ABCC4: variants seen among roughly 807,000 people sequenced by gnomAD.
ABCC4 encodes ATP binding cassette subfamily C member 4 (PEL blood group).
Under a neutral mutation model 168.5 loss-of-function variants are expected in ABCC4, and 102 were observed. That is an observed-to-expected ratio of 0.61 (90% CI 0.52 to 0.71). The LOEUF (loss-of-function observed/expected upper bound fraction) is 0.71. Among genes scored for constraint, ABCC4 ranks in the 30% least tolerant of loss-of-function variants. The probability of loss-of-function intolerance (pLI) is 0.00; values close to 1 mark genes in which losing one functional copy is unlikely to be tolerated. For missense variants in ABCC4, 1,402 were observed against 1,605.8 expected, an observed-to-expected ratio of 0.87 and a Z score of 2.17; for synonymous variants, 617 against 590.7, an observed-to-expected ratio of 1.04 and a Z score of -0.65.
chr13:95,032,048 T>C (rs1350070065), intron 30 of ABCC4, among the ~76,000 whole-genome samples: 1 of 152,222 alleles, frequency 6.6e-6, no homozygotes, highest in Non-Finnish European at 1.5e-5. Context: ...TCGGGTTTTA[T>C]GAGGGAAGCT....
chr13:95,290,165 G>C (rs923963302), intron 1 of ABCC4, among the ~76,000 whole-genome samples: 2 of 151,672 alleles, frequency 1.3e-5, no homozygotes, highest in Non-Finnish European at 2.9e-5. Context: ...ATAGATAGAT[G>C]CGTGGATCCC....
At chr13:95,256,542 G>A (rs185725961) in intron 1 of ABCC4, among the ~76,000 whole-genome samples, 239 of 152,256 alleles carry the variant, frequency 1.6e-3, no homozygotes, top group African/African-American at 5.6e-3. Context: ...GATTGCTTGA[G>A]CCCAGTAGTT....
At chr13:95,223,964 C>T (rs917290290) in intron 4 of ABCC4, among the ~76,000 whole-genome samples, 2 of 151,550 alleles carry the variant, frequency 1.3e-5, no homozygotes, top group Non-Finnish European at 2.9e-5. Context: ...AAGACAATCT[C>T]AAATAGTTTA....
chr13:95,237,655 G>A (rs1248878099), intron 3 of ABCC4, among the ~76,000 whole-genome samples: 4 of 152,154 alleles, frequency 2.6e-5, no homozygotes, highest in South Asian at 4.1e-4. Context: ...CCTGACATTC[G>A]AGCCCCATCC....
At chr13:95,089,459 A>T (rs891414753) in intron 20 of ABCC4, among the ~76,000 whole-genome samples, 1 of 152,158 alleles carries the variant, frequency 6.6e-6, no homozygotes, top group African/African-American at 2.4e-5. Flanking sequence ...CTCTACTAAA[A>T]ATACAAAATT....
intron 4 of ABCC4, among the ~76,000 whole-genome samples, chr13:95,222,749 T>C (rs1177664005): frequency 6.6e-6 from 1 of 152,200 alleles, no homozygotes; most frequent in East Asian, 1.9e-4. Flanking sequence ...AGAGAGATCA[T>C]GTCTTAGAAT....
intron 1 of ABCC4, among the ~76,000 whole-genome samples, chr13:95,300,266 T>C (rs899064337): frequency 1.3e-5 from 2 of 152,142 alleles, no homozygotes; most frequent in Non-Finnish European, 1.5e-5. Flanking sequence ...GTAGAACTCC[T>C]GGTAGGAACC....
intron 19 of ABCC4, among the ~76,000 whole-genome samples, chr13:95,133,127 T>G (rs1036862722): frequency 1.0e-4 from 15 of 149,296 alleles, no homozygotes; most frequent in Non-Finnish European, 2.2e-4. Context: ...TTTTTTTTTT[T>G]TTTGGAGACA....
At chr13:95,070,428 G>T (rs2619311) in intron 25 of ABCC4, among the ~76,000 whole-genome samples, 94,376 of 151,764 alleles carry the variant, frequency 0.62, 29,675 homozygotes, top group South Asian at 0.79. Context: ...GGAAGGGGAA[G>T]AGATTCTACT....
intron 13 of ABCC4, among the ~76,000 whole-genome samples, chr13:95,176,342 T>C (rs1566493959): frequency 6.9e-6 from 1 of 143,908 alleles, no homozygotes; most frequent in Non-Finnish European, 1.5e-5. Flanking sequence ...AAAAAAACAC[T>C]GAATGAGCTG....
intron 26 of ABCC4, among the ~76,000 whole-genome samples, chr13:95,056,268 C>T (rs2033051417): frequency 6.6e-6 from 1 of 152,204 alleles, no homozygotes; most frequent in Non-Finnish European, 1.5e-5. Context: ...GCTATGTGTG[C>T]ATTTCAAATC....
intron 19 of ABCC4, among the ~76,000 whole-genome samples, chr13:95,123,438 C>A (rs1044052486): frequency 5.3e-5 from 8 of 152,178 alleles, no homozygotes; most frequent in African/African-American, 1.9e-4. Context: ...TCTCGGCTCA[C>A]CGCAACCTCC....
chr13:95,072,891 T>G (rs1457576070), intron 24 of ABCC4, among the ~76,000 whole-genome samples: 2 of 152,170 alleles, frequency 1.3e-5, no homozygotes, highest in Non-Finnish European at 2.9e-5. Context: ...AGAAACAAAA[T>G]TAAACAGGCT....
At chr13:95,124,370 T>C (rs1024278895) in intron 19 of ABCC4, among the ~76,000 whole-genome samples, 1 of 151,922 alleles carries the variant, frequency 6.6e-6, no homozygotes, top group Admixed American at 6.6e-5. Flanking sequence ...GAGGGTCATC[T>C]TGGTTCATTC....
At chr13:95,284,063 G>A (rs949498843) in intron 1 of ABCC4, among the ~76,000 whole-genome samples, 19 of 151,316 alleles carry the variant, frequency 1.3e-4, no homozygotes, top group African/African-American at 3.4e-4. Flanking sequence ...TTAGCCGAGC[G>A]TGGTGGCATG....
intron 3 of ABCC4, among the ~76,000 whole-genome samples, chr13:95,244,633 GAAA>G (rs2040046731): frequency 1.3e-5 from 1 of 79,070 alleles, no homozygotes; most frequent in African/African-American, 5.9e-5. Flanking sequence ...AAGAAAGAAA[GAAA>G]GAAAGAAAGA....
intron 19 of ABCC4, among the ~76,000 whole-genome samples, chr13:95,144,095 C>T (rs1011667586): frequency 6.6e-6 from 1 of 152,134 alleles, no homozygotes; most frequent in Non-Finnish European, 1.5e-5. Flanking sequence ...CCATTAGATA[C>T]ACACTGTGAC....
chr13:95,115,001 A>G (rs528234316), intron 20 of ABCC4, among the ~76,000 whole-genome samples: 14 of 152,230 alleles, frequency 9.2e-5, no homozygotes, highest in Non-Finnish European at 1.5e-4. Context: ...CAAATTTCAT[A>G]AAGTGTTAGC....
At chr13:95,164,560 A>G in intron 15 of ABCC4, 42 bp from the exon 16 acceptor site, 1 of 1,606,194 alleles carries the variant, frequency 6.2e-7, no homozygotes, top group Non-Finnish European at 8.5e-7. Flanking sequence ...ACAGTATACA[A>G]AACTGTTCCC....
Sources: gnomAD v4.1 joint callset for allele counts (sites outside exome capture counted in the v4.1 genomes callset) on GRCh38, gnomAD v4.1.1 for gene constraint, MANE v1.5 for transcripts, NCBI Gene and HGNC (gene_info 2026-07-23, HGNC 2026-07-21) for gene names.